The following SORBS2 variants were observed in gnomAD, a reference collection of about 807,000 sequenced individuals.
SORBS2 encodes sorbin and SH3 domain-containing protein 2.
In SORBS2, 46 loss-of-function variants were observed where a neutral mutation model predicts 97.7. The observed-to-expected ratio is 0.47, with a 90% confidence interval of 0.37 to 0.60. SORBS2 has a LOEUF of 0.60. Ranked by LOEUF, SORBS2 falls within the 20% of genes least tolerant of loss-of-function variation. SORBS2 has a pLI of 0.00. For synonymous variants in SORBS2, 476 were observed against 473.4 expected, an observed-to-expected ratio of 1.01 and a Z score of -0.07; for missense variants, 1,316 against 1,282.3, an observed-to-expected ratio of 1.03 and a Z score of -0.40.
intron 2 of SORBS2, among the ~76,000 whole-genome samples, chr4:185,694,602 G>T (rs746915614): frequency 3.3e-5 from 5 of 152,032 alleles, no homozygotes; most frequent in African/African-American, 4.8e-5. Flanking sequence ...GCAATAGATT[G>T]TGTTGATTGT....
chr4:185,878,456 A>G (rs2149766700), intron 1 of SORBS2, among the ~76,000 whole-genome samples: 1 of 152,148 alleles, frequency 6.6e-6, no homozygotes, highest in African/African-American at 2.4e-5. Flanking sequence ...TGACACCTCC[A>G]TCTACCAATT....
chr4:185,775,613 C>G (rs1584623460), intron 1 of SORBS2: 1 of 152,198 alleles, frequency 6.6e-6, no homozygotes, highest in African/African-American at 2.4e-5. Context: ...TTGAGGAAAA[C>G]TGCCAGCACC....
At chr4:185,615,110 C>A in exon 10 of SORBS2, 2 of 1,613,924 alleles carry the variant, frequency 1.2e-6, no homozygotes, top group Non-Finnish European at 1.7e-6. Context: ...CAATTTTGAT[C>A]AATTTTCCTG....
At chr4:185,693,352 C>T (rs1439822864) in intron 2 of SORBS2, among the ~76,000 whole-genome samples, 1 of 152,046 alleles carries the variant, frequency 6.6e-6, no homozygotes, top group Non-Finnish European at 1.5e-5. Flanking sequence ...CCGATGAAGT[C>T]AGGGAAGAGG....
At chr4:185,730,148 T>C (rs1442856258) in intron 2 of SORBS2, among the ~76,000 whole-genome samples, 1 of 152,112 alleles carries the variant, frequency 6.6e-6, no homozygotes, top group Non-Finnish European at 1.5e-5. Context: ...GAGACGGGGT[T>C]TCACTGTGTT....
intron 4 of SORBS2, among the ~76,000 whole-genome samples, chr4:185,631,711 G>A (rs976513717): frequency 7.2e-5 from 11 of 152,024 alleles, no homozygotes; most frequent in Admixed American, 1.3e-4. Context: ...GCAGCGAGTC[G>A]AGATGGCGCC....
At chr4:185,682,848 TA>T (rs1182088439) in intron 2 of SORBS2, among the ~76,000 whole-genome samples, 1 of 150,794 alleles carries the variant, frequency 6.6e-6, no homozygotes, top group Non-Finnish European at 1.5e-5. Context: ...AGGTCTCTAC[TA>T]AAAAAAATAC....
intron 1 of SORBS2, among the ~76,000 whole-genome samples, chr4:185,955,839 T>C (rs1166639615): frequency 2.0e-5 from 3 of 152,152 alleles, no homozygotes; most frequent in Non-Finnish European, 4.4e-5. Context: ...ACCTTTGAGA[T>C]ACTAGACCCT....
chr4:185,827,270 TCATCACCATCATCATCAC>T (rs2099201091), intron 1 of SORBS2, among the ~76,000 whole-genome samples: 4 of 128,886 alleles, frequency 3.1e-5, no homozygotes, highest in African/African-American at 5.9e-5. Context: ...ATCATCACCA[TCATCACCATCATCATCAC>T]CATCATCATC....
chr4:185,779,431 A>G lies in SORBS2; in HGVS notation c.-337-4065T>C, dbSNP rs114897570. ...TAAATAATCAAAATATATTTGAAAAACTGTGCAGATTTCCATATGTGGCTA... is the reference window on the plus strand; with the variant it reads ...TAAATAATCAAAATATATTTGAAAAGCTGTGCAGATTTCCATATGTGGCTA... On this transcript the variant is annotated intron_variant, in intron 1 of 20. Coordinates refer to the SORBS2 transcript ENST00000284776. 2.1e-3 allele frequency among the ~76,000 whole-genome samples: 323 copies of G among 152,316 alleles called. 2 individuals carry two copies. The highest frequency in any genetic ancestry group is 4.1e-3 in the Admixed American group (63 of 15,306).
intron 1 of SORBS2, among the ~76,000 whole-genome samples, chr4:185,915,805 G>A (rs1230919711): frequency 2.6e-5 from 4 of 152,212 alleles, no homozygotes; most frequent in South Asian, 4.1e-4. Context: ...TTAAAGGAAC[G>A]TAGCTCTCTA....
intron 1 of SORBS2, among the ~76,000 whole-genome samples, chr4:185,845,735 G>A (rs1187659815): frequency 5.9e-5 from 9 of 151,978 alleles, no homozygotes; most frequent in Non-Finnish European, 1.0e-4. Context: ...AAAAAAAGAA[G>A]CAAAAAAATA....
At chr4:185,683,414 T>G (rs2097903704) in intron 2 of SORBS2, among the ~76,000 whole-genome samples, 1 of 152,180 alleles carries the variant, frequency 6.6e-6, no homozygotes, top group Admixed American at 6.5e-5. Flanking sequence ...CCTATTTGGT[T>G]GAAATGTCAA....
intron 2 of SORBS2, among the ~76,000 whole-genome samples, chr4:185,700,564 C>T (rs1294756227): frequency 2.6e-5 from 4 of 152,092 alleles, no homozygotes; most frequent in Non-Finnish European, 5.9e-5. Context: ...GTATAAATAA[C>T]AGTTGCAGCT....
At chr4:185,910,542 C>T (rs1408422950) in intron 1 of SORBS2, among the ~76,000 whole-genome samples, 1 of 151,992 alleles carries the variant, frequency 6.6e-6, no homozygotes, top group Non-Finnish European at 1.5e-5. Context: ...TTTTATTATT[C>T]ATTTATGTGT....
At chr4:185,809,723 C>T (rs982455514) in intron 1 of SORBS2, among the ~76,000 whole-genome samples, 4 of 152,124 alleles carry the variant, frequency 2.6e-5, no homozygotes, top group African/African-American at 9.7e-5. Context: ...TAAAAGGTTA[C>T]TAAAATAGGA....
At chr4:185,928,103 C>T (rs901700611) in intron 1 of SORBS2, among the ~76,000 whole-genome samples, 3 of 135,494 alleles carry the variant, frequency 2.2e-5, no homozygotes, top group African/African-American at 7.5e-5. Context: ...CAAGAAGAAG[C>T]ATAGAAAAAA....
At chr4:185,806,960 A>AATGG (rs1205500047) in intron 1 of SORBS2, among the ~76,000 whole-genome samples, 2 of 152,140 alleles carry the variant, frequency 1.3e-5, no homozygotes, top group African/African-American at 4.8e-5. Context: ...TATTTCTAAC[A>AATGG]ATGGATTGGA....
At chr4:185,821,151 G>T (rs2099196590) in intron 1 of SORBS2, among the ~76,000 whole-genome samples, 1 of 152,182 alleles carries the variant, frequency 6.6e-6, no homozygotes, top group Non-Finnish European at 1.5e-5. Flanking sequence ...GGGAACAAAT[G>T]AACCGTCCCG....
Sources: gnomAD v4.1 joint callset for allele counts (sites outside exome capture counted in the v4.1 genomes callset) on GRCh38, gnomAD v4.1.1 for gene constraint, MANE v1.5 for transcripts, NCBI Gene and HGNC (gene_info 2026-07-23, HGNC 2026-07-21) for gene names.